The following DCAF8L2 variants were observed in gnomAD, a reference collection of about 807,000 sequenced individuals.
DCAF8L2 encodes DDB1- and CUL4-associated factor 8-like protein 2.
For missense variants in DCAF8L2, 430 were observed against 490.7 expected (o/e 0.88, Z 1.17); for synonymous variants, 200 against 190.9 (o/e 1.05, Z -0.39).
At position 27,746,970 on chromosome X, in the gene DCAF8L2, G is replaced by C. The variant is rs1389391655; in HGVS notation, c.75G>C (p.Glu25Asp). 5 of 1,199,112 alleles carry C rather than the reference G, an allele frequency of 4.2e-6. No homozygotes were observed. The highest frequency in any genetic ancestry group is 5.6e-6 in the Non-Finnish European group (5 of 889,547). Reference sequence around the variant, plus strand: ...AAAGCCTGTTCAGCAGCCCAGAGGAGCAGTCTGGAGCCGTGGCGGCGACAG... The same window carrying C: ...AAAGCCTGTTCAGCAGCCCAGAGGACCAGTCTGGAGCCGTGGCGGCGACAG... The part of the protein sequence containing the change: ...GTESLFSSPE[E>D]QSGAVAATEA... Residue 25 changes from glutamate (E) to aspartate (D), a missense_variant, in exon 5 of 5, where the codon GAG becomes GAC. Transcript: ENST00000451261.
chrX:27,573,111 C>T, the DCAF8L2 span, among the ~76,000 whole-genome samples: 9 of 111,162 alleles, frequency 8.1e-5, no homozygotes, highest in Admixed American at 7.7e-4. Context: ...TACCAACACA[C>T]TTTCAGCATC....
chrX:27,533,251 AG>A, the DCAF8L2 span, among the ~76,000 whole-genome samples: 1 of 102,938 alleles, frequency 9.7e-6, no homozygotes, highest in African/African-American at 3.5e-5. Context: ...AAAGAAAGAA[AG>A]AAAGAAAGTC....
chrX:27,746,101 T>C (rs1375848709), intron 4 of DCAF8L2, among the ~76,000 whole-genome samples: 1 of 111,978 alleles, frequency 8.9e-6, no homozygotes, highest in East Asian at 2.8e-4. Flanking sequence ...TTCATTACAC[T>C]GAGGGTCTAA....
the DCAF8L2 span, chrX:27,517,995 G>C: frequency 1.8e-6 from 2 of 1,139,528 alleles, no homozygotes; most frequent in African/African-American, 3.5e-5. Flanking sequence ...ATCCTACATG[G>C]CTTAAACTAA....
intron 2 of DCAF8L2, chrX:27,633,929 C>T (rs1928394950): frequency 9.0e-6 from 1 of 111,181 alleles, no homozygotes; most frequent in Non-Finnish European, 1.9e-5. Flanking sequence ...TCAATTTTCC[C>T]TCTTGTTTTA....
intron 4 of DCAF8L2, among the ~76,000 whole-genome samples, chrX:27,723,358 T>C: frequency 9.1e-6 from 1 of 109,849 alleles, no homozygotes; most frequent in African/African-American, 3.3e-5. Flanking sequence ...GCTTAATGAA[T>C]AGAAAAAAAA....
At chrX:27,651,677 A>AT (rs1929158718) in intron 2 of DCAF8L2, among the ~76,000 whole-genome samples, 1 of 108,311 alleles carries the variant, frequency 9.2e-6, no homozygotes, top group Non-Finnish European at 1.9e-5. Context: ...CACCCAGCTA[A>AT]TTTTTTGTAT....
chrX:27,514,224 T>TATATGTGTGCATATGTACACATATGTAC, the DCAF8L2 span, among the ~76,000 whole-genome samples: 1 of 109,206 alleles, frequency 9.2e-6, no homozygotes, highest in African/African-American at 3.3e-5. Flanking sequence ...GCTATGTACC[T>TATATGTGTGCATATGTACACATATGTAC]ATATGTGTGC....
At chrX:27,560,652 G>A in the DCAF8L2 span, among the ~76,000 whole-genome samples, 2 of 112,265 alleles carry the variant, frequency 1.8e-5, no homozygotes, top group African/African-American at 6.5e-5. Flanking sequence ...ATTTGATGAT[G>A]TTCACAGGCT....
intron 1 of DCAF8L2, among the ~76,000 whole-genome samples, chrX:27,623,488 A>C (rs1927877508): frequency 9.0e-6 from 1 of 111,020 alleles, no homozygotes; most frequent in African/African-American, 3.3e-5. Flanking sequence ...TCAAAGTCCT[A>C]AAAGAGAAGT....
the DCAF8L2 span, among the ~76,000 whole-genome samples, chrX:27,483,860 A>G: frequency 8.1e-5 from 9 of 111,231 alleles, no homozygotes; most frequent in African/African-American, 2.6e-4. Flanking sequence ...GGGGTTGTGA[A>G]GGAAAAGAAC....
intron 3 of DCAF8L2, among the ~76,000 whole-genome samples, chrX:27,713,034 G>A (rs1931581685): frequency 9.0e-6 from 1 of 111,721 alleles, no homozygotes; most frequent in Non-Finnish European, 1.9e-5. Context: ...AGGCAGACCA[G>A]TGTACAGAAT....
At position 27,667,052 on chromosome X, in the gene DCAF8L2, G is replaced by C. The variant is rs756004397; in HGVS notation, c.-219-10784G>C. Among the ~76,000 whole-genome samples, 14 of 107,166 alleles carry C rather than the reference G, an allele frequency of 1.3e-4. 1 individual carries two copies. The highest frequency in any genetic ancestry group is 4.8e-4 in the African/African-American group (14 of 29,335). The allele number at this position is 107,166 out of a possible 115,157, so 93.1% of individuals were successfully genotyped here. On this transcript the variant is annotated intron_variant, in intron 2 of 4. Transcript: ENST00000451261. ...CTAATGATACTTTCAGATACTGCTG[G>C]TTCAAGAACCACACTTGGAATAGTG...
chrX:27,598,620 C>A (rs555685261), intron 1 of DCAF8L2, among the ~76,000 whole-genome samples: 1 of 112,072 alleles, frequency 8.9e-6, no homozygotes, highest in Middle Eastern at 4.7e-3. Context: ...TCTGCAAGTA[C>A]GCTTCCTGCA....
chrX:27,610,046 T>A (rs1020046790), intron 1 of DCAF8L2, among the ~76,000 whole-genome samples: 1 of 112,089 alleles, frequency 8.9e-6, no homozygotes, highest in Non-Finnish European at 1.9e-5. Context: ...TTAAGCCATA[T>A]ATATTAAAGT....
At chrX:27,558,441 A>T in the DCAF8L2 span, among the ~76,000 whole-genome samples, 1 of 111,123 alleles carries the variant, frequency 9.0e-6, no homozygotes, top group Non-Finnish European at 1.9e-5. Context: ...TGGACAGCAT[A>T]ACAGCCTCCA....
the DCAF8L2 span, among the ~76,000 whole-genome samples, chrX:27,538,400 T>C: frequency 2.7e-5 from 3 of 110,490 alleles, no homozygotes; most frequent in African/African-American, 9.9e-5. Flanking sequence ...TTTATTTATT[T>C]ATTTATTTAT....
At chrX:27,545,797 A>G in the DCAF8L2 span, among the ~76,000 whole-genome samples, 3 of 111,994 alleles carry the variant, frequency 2.7e-5, no homozygotes, top group African/African-American at 6.5e-5. Context: ...GGAAGCAAGC[A>G]CATCTTATAT....
the DCAF8L2 span, among the ~76,000 whole-genome samples, chrX:27,556,236 A>G: frequency 1.8e-5 from 2 of 111,031 alleles, no homozygotes; most frequent in Admixed American, 9.7e-5. Flanking sequence ...TTTATATTAA[A>G]CTGTCCCTAA....
Sources: gnomAD v4.1 joint callset for allele counts (sites outside exome capture counted in the v4.1 genomes callset) on GRCh38, gnomAD v4.1.1 for gene constraint, MANE v1.5 for transcripts, NCBI Gene and HGNC (gene_info 2026-07-23, HGNC 2026-07-21) for gene names.